Variants in PHKB observed in about 807,000 individuals in gnomAD.
PHKB encodes the protein phosphorylase b kinase regulatory subunit beta.
In PHKB, 122 loss-of-function variants were observed where a neutral mutation model predicts 152.1. The observed-to-expected ratio is 0.80, with a 90% confidence interval of 0.69 to 0.93. PHKB has a LOEUF of 0.93. Ranked by LOEUF, PHKB falls within the 40% of genes least tolerant of loss-of-function variation. The pLI is 0.00. For missense variants in PHKB, 1,304 were observed against 1,328.4 expected (o/e 0.98, Z 0.29); for synonymous variants, 436 against 464.9 (o/e 0.94, Z 0.80).
chr16:47,584,315 G>T (rs189541154), intron 8 of PHKB, among the ~76,000 whole-genome samples: 1 of 151,998 alleles, frequency 6.6e-6, no homozygotes, highest in Admixed American at 6.5e-5. Flanking sequence ...AATAATGTTT[G>T]ATAATATTTA....
At chr16:47,680,794 T>C (rs991204080) in intron 26 of PHKB, among the ~76,000 whole-genome samples, 1 of 152,230 alleles carries the variant, frequency 6.6e-6, no homozygotes, top group Non-Finnish European at 1.5e-5. Flanking sequence ...ATTTTAGTCA[T>C]TTCTTGCCTT....
At chr16:47,698,135 A>G (rs1315155516) in intron 29 of PHKB, among the ~76,000 whole-genome samples, 1 of 152,194 alleles carries the variant, frequency 6.6e-6, no homozygotes, top group Non-Finnish European at 1.5e-5. Context: ...GAAAGAGTTC[A>G]GACACTTTGG....
intron 26 of PHKB, among the ~76,000 whole-genome samples, chr16:47,685,374 A>G (rs1302787596): frequency 6.6e-6 from 1 of 152,126 alleles, no homozygotes; most frequent in African/African-American, 2.4e-5. Context: ...GCGGTGAGCC[A>G]AGATCACGCC....
intron 26 of PHKB, among the ~76,000 whole-genome samples, chr16:47,680,378 G>C (rs906454476): frequency 6.6e-6 from 1 of 152,122 alleles, no homozygotes; most frequent in African/African-American, 2.4e-5. Context: ...GGTAGAATTT[G>C]GCTGTGAATC....
chr16:47,504,430 A>G (rs1970376046), intron 4 of PHKB, among the ~76,000 whole-genome samples: 1 of 152,190 alleles, frequency 6.6e-6, no homozygotes, highest in Admixed American at 6.5e-5. Context: ...TAATGTAAAC[A>G]CTTTAGGTTT....
At chr16:47,544,994 T>G (rs1156941035) in intron 6 of PHKB, among the ~76,000 whole-genome samples, 1 of 152,192 alleles carries the variant, frequency 6.6e-6, no homozygotes, top group African/African-American at 2.4e-5. Flanking sequence ...CGTCTCTGCA[T>G]GTGAGATGGG....
chr16:47,478,875 T>C (rs1969916535), intron 1 of PHKB, among the ~76,000 whole-genome samples: 2 of 152,150 alleles, frequency 1.3e-5, no homozygotes, highest in Admixed American at 6.6e-5. Context: ...CACTGGTGAA[T>C]TACAGTAGCA....
intron 29 of PHKB, among the ~76,000 whole-genome samples, chr16:47,697,438 TG>T (rs1974167419): frequency 2.0e-5 from 3 of 152,226 alleles, no homozygotes; most frequent in Admixed American, 6.5e-5. Context: ...ACCCAGCATC[TG>T]GGACATATAG....
intron 7 of PHKB, among the ~76,000 whole-genome samples, chr16:47,571,930 T>C (rs1423174487): frequency 6.6e-6 from 1 of 152,108 alleles, no homozygotes; most frequent in African/African-American, 2.4e-5. Context: ...CCCATGGGAA[T>C]GGTGATCTAT....
chr16:47,519,137 A>G (rs558003860), intron 6 of PHKB, among the ~76,000 whole-genome samples: 5 of 152,354 alleles, frequency 3.3e-5, no homozygotes, highest in Admixed American at 1.3e-4. Flanking sequence ...CTTGTTCAAC[A>G]TAAGACCTGT....
intron 26 of PHKB, among the ~76,000 whole-genome samples, chr16:47,674,699 A>C (rs1416839777): frequency 6.6e-6 from 1 of 152,210 alleles, no homozygotes; most frequent in East Asian, 1.9e-4. Flanking sequence ...CCGTCTTTGT[A>C]GGTCCAGGGT....
rs186633194 is a variant in PHKB, at chr16:47,644,248, C to T, written c.1608+2556C>T. 1.6e-3 allele frequency among the ~76,000 whole-genome samples: 243 copies of T among 152,314 alleles called. 2 individuals are homozygous for T. Among genetic ancestry groups the T allele is most frequent in the Non-Finnish European group, 2.7e-3 (183 of 68,030 alleles). The stretch of plus-strand genomic sequence containing the variant: ...TTCAGTGCAGCTATGCAAAATAATG[C>T]TTACAAAGCACTGTTTCTGGCCAGT... On this transcript the variant is annotated intron_variant, in intron 16 of 30. Transcript: ENST00000323584.
At chr16:47,664,649 C>T (rs1480485265) in intron 24 of PHKB, 4 of 531,656 alleles carry the variant, frequency 7.5e-6, no homozygotes, top group Admixed American at 3.2e-5. Flanking sequence ...AGTAAGACAT[C>T]AAGCCAATAA....
rs182252320 is a variant in PHKB, at chr16:47,641,148, G to C, written c.1514+58G>C. ...GTGGGGAGGGGAGGGGAGGGGAAATGATTGCTTTATGTTTACAATATTGAT... is the reference window on the plus strand; with the variant it reads ...GTGGGGAGGGGAGGGGAGGGGAAATCATTGCTTTATGTTTACAATATTGAT... On this transcript the variant is annotated intron_variant, in intron 15 of 30. Transcript: ENST00000323584. 26 of 1,283,032 alleles carry C rather than the reference G, an allele frequency of 2.0e-5. No homozygotes were observed. In the East Asian group the frequency reaches 2.5e-4, roughly 13 times the overall value. 79.5% of individuals were successfully genotyped at this position (1,283,032 alleles called of 1,614,324 possible).
intron 14 of PHKB, among the ~76,000 whole-genome samples, chr16:47,619,953 A>G (rs914057130): frequency 6.6e-6 from 1 of 152,168 alleles, no homozygotes; most frequent in Non-Finnish European, 1.5e-5. Context: ...AAATGGACTT[A>G]TTTTTACATG....
chr16:47,567,348 C>T (rs539096645), intron 7 of PHKB, among the ~76,000 whole-genome samples: 2 of 151,580 alleles, frequency 1.3e-5, no homozygotes, highest in South Asian at 2.1e-4. Flanking sequence ...TCAGCTTGTT[C>T]GTTATTGATA....
chr16:47,517,309 G>A (rs1478869129), intron 6 of PHKB, among the ~76,000 whole-genome samples: 1 of 150,254 alleles, frequency 6.7e-6, no homozygotes, highest in African/African-American at 2.5e-5. Context: ...AGGCTGGAGT[G>A]CAGTAACACC....
chr16:47,680,885 C>A (rs1160277735), intron 26 of PHKB, among the ~76,000 whole-genome samples: 1 of 152,104 alleles, frequency 6.6e-6, no homozygotes, highest in Non-Finnish European at 1.5e-5. Context: ...TGGGTCTTTC[C>A]TGCTTCCTCT....
chr16:47,680,703 T>A (rs920844499), intron 26 of PHKB, among the ~76,000 whole-genome samples: 43 of 152,324 alleles, frequency 2.8e-4, no homozygotes, highest in African/African-American at 9.6e-4. Context: ...GTTTTGTTGA[T>A]CTTTTCAAAA....
Sources: allele counts gnomAD v4.1 joint callset (sites outside exome capture counted in the v4.1 genomes callset), GRCh38; gene constraint gnomAD v4.1.1; transcripts MANE v1.5; gene names NCBI Gene and HGNC (gene_info 2026-07-23, HGNC 2026-07-21).